The following CABYR variants were observed in gnomAD, a reference collection of about 807,000 sequenced individuals.
CABYR encodes calcium-binding tyrosine phosphorylation-regulated protein.
A neutral mutation model predicts 36.1 loss-of-function variants in CABYR; 31 were observed. The observed-to-expected ratio is 0.86, with a 90% CI of 0.64 to 1.16. The LOEUF (loss-of-function observed/expected upper bound fraction) is 1.16. Among genes scored for constraint, CABYR ranks in the 50% most tolerant of loss-of-function variants. The probability of loss-of-function intolerance (pLI) is 0.00; values close to 1 mark genes in which losing one functional copy is unlikely to be tolerated. For synonymous variants in CABYR, 146 were observed against 160.7 expected (o/e 0.91, Z 0.69); for missense variants, 429 against 455.8 (o/e 0.94, Z 0.53).
chr18:24,156,010 C>G lies in CABYR; in HGVS notation c.509C>G (p.Ala170Gly). Residue 170 changes from alanine (A) to glycine (G), a missense_variant, in exon 4 of 6, where the codon GCT (alanine) becomes GGT (glycine). By Grantham distance (60) the Ala-to-Gly change is moderately conservative. Transcript: ENST00000399496. The part of the protein sequence containing the change: ...AVSPEFAYVP[A>G]DPAQLAAQML... The stretch of plus-strand genomic sequence containing the variant: ...TCACCAGAGTTTGCCTACGTCCCAG[C>G]TGACCCAGCTCAGCTTGCTGCTCAG... 1 of 1,614,238 alleles carries G rather than the reference C, an allele frequency of 6.2e-7. No individual in the cohort carries two copies. Among genetic ancestry groups the G allele is most frequent in the Non-Finnish European group, 8.5e-7 (1 of 1,180,042 alleles).
At chr18:24,158,506 T>C (rs944485043) in intron 4 of CABYR, among the ~76,000 whole-genome samples, 3 of 151,878 alleles carry the variant, frequency 2.0e-5, no homozygotes, top group African/African-American at 7.3e-5. Flanking sequence ...TTAGTAGAGA[T>C]GGAGTTTCTC....
chr18:24,149,479 G>T (rs2085554435), intron 3 of CABYR, among the ~76,000 whole-genome samples: 1 of 152,234 alleles, frequency 6.6e-6, no homozygotes. Context: ...CAGGAGTCCA[G>T]CTGGCTTCAC....
chr18:24,143,322 A>ATGTATCTGTATTTGATTTCC, intron 2 of CABYR, 38 bp from the exon 3 acceptor site: 1 of 1,595,858 alleles, frequency 6.3e-7, no homozygotes, highest in South Asian at 1.1e-5. Flanking sequence ...TAGGAATTTC[A>ATGTATCTGTATTTGATTTCC]TGTATCTGTA....
At chr18:24,139,662 C>A (rs1020435978) in intron 1 of CABYR, 3 of 152,232 alleles carry the variant, frequency 2.0e-5, no homozygotes, top group African/African-American at 7.2e-5. Context: ...ATTAAGCTGT[C>A]GCTTTTAAAT....
At chr18:24,153,364 C>T (rs1158523197) in intron 3 of CABYR, among the ~76,000 whole-genome samples, 2 of 152,164 alleles carry the variant, frequency 1.3e-5, no homozygotes, top group African/African-American at 4.8e-5. Flanking sequence ...TAGGAGCGCT[C>T]TCTCTGGCCT....
chr18:24,143,275 A>T lies in CABYR; in HGVS notation c.145+16A>T. The T allele has an allele frequency of 1.2e-6, 2 of 1,603,658 alleles. No homozygotes were observed. The highest frequency in any genetic ancestry group is 1.7e-6 in the Non-Finnish European group (2 of 1,176,538). Reference sequence around the variant, plus strand: ...ATGTATAGAGGTTTGTTATTCCTTTATATATTTGCTGCTTTGAAAAAGAAA... The same window carrying T: ...ATGTATAGAGGTTTGTTATTCCTTTTTATATTTGCTGCTTTGAAAAAGAAA... On this transcript the variant is annotated intron_variant, in intron 2 of 5. Transcript: ENST00000399496.
intron 1 of CABYR, 26 bp from the exon 2 acceptor site, chr18:24,143,061 ATTAC>A: frequency 2.1e-6 from 3 of 1,454,000 alleles, no homozygotes; most frequent in Non-Finnish European, 2.8e-6. Context: ...AGTAAAACTA[ATTAC>A]TTCTAAGACT....
chr18:24,148,955 C>T (rs529300925), intron 3 of CABYR, among the ~76,000 whole-genome samples: 5 of 152,238 alleles, frequency 3.3e-5, no homozygotes, highest in South Asian at 2.1e-4. Flanking sequence ...ACTGCTGGCT[C>T]GAACAGCCTG....
chr18:24,153,846 T>A (rs2145875802), intron 3 of CABYR, among the ~76,000 whole-genome samples: 1 of 152,210 alleles, frequency 6.6e-6, no homozygotes, highest in South Asian at 2.1e-4. Flanking sequence ...GCTCAACCCC[T>A]GTAATCCCAG....
intron 5 of CABYR, among the ~76,000 whole-genome samples, chr18:24,160,563 T>C (rs2085937040): frequency 6.6e-6 from 1 of 152,210 alleles, no homozygotes. Flanking sequence ...CAGCTGAGAT[T>C]AACTGTGGAT....
rs1305173918 is a variant in CABYR, at chr18:24,160,003, AC to A, written c.1074del (p.Tyr358Ter). ...SGDKCAPFGS[Y>X]GIAGEVTVTT... ...GACAAATGTGCTCCCTTTGGAAGTTACGGTATTGCTGGGGAGGTAACCGTGA... is the reference window on the plus strand; with the variant it reads ...GACAAATGTGCTCCCTTTGGAAGTTAGGTATTGCTGGGGAGGTAACCGTGA... On this transcript the variant is annotated frameshift_variant, in exon 5 of 6. Coordinates refer to ENST00000399496, the MANE Select transcript of CABYR (RefSeq NM_153769.3). LOFTEE classifies it high-confidence loss of function. 1 of 1,614,200 alleles carries A rather than the reference AC, an allele frequency of 6.2e-7. No homozygotes were observed. Among genetic ancestry groups the A allele is most frequent in the East Asian group, 2.2e-5 (1 of 44,892 alleles).
At chr18:24,150,783 G>GT (rs10715707) in intron 3 of CABYR, among the ~76,000 whole-genome samples, 327 of 113,562 alleles carry the variant, frequency 2.9e-3, no homozygotes, top group Non-Finnish European at 3.9e-3. Context: ...TTTGTTTTTT[G>GT]TTTTTTTTTT....
intron 1 of CABYR, among the ~76,000 whole-genome samples, chr18:24,142,660 C>T: frequency 6.7e-6 from 1 of 149,132 alleles, no homozygotes; most frequent in Non-Finnish European, 1.5e-5. Flanking sequence ...TTTTTTTAAA[C>T]TACCATCAAG....
chr18:24,144,788 C>T (rs1026466409), intron 3 of CABYR, among the ~76,000 whole-genome samples: 1 of 152,150 alleles, frequency 6.6e-6, no homozygotes, highest in Non-Finnish European at 1.5e-5. Flanking sequence ...CACTAATTAA[C>T]CAAAAGACTT....
intron 5 of CABYR, chr18:24,160,723 TG>T (rs1185187753): frequency 6.5e-6 from 1 of 152,736 alleles, no homozygotes; most frequent in Non-Finnish European, 1.5e-5. Flanking sequence ...GACAAAAAAG[TG>T]TATTACAACA....
At chr18:24,153,083 G>C (rs1465829239) in intron 3 of CABYR, among the ~76,000 whole-genome samples, 1 of 152,176 alleles carries the variant, frequency 6.6e-6, no homozygotes, top group Non-Finnish European at 1.5e-5. Context: ...TTCTCTGCCA[G>C]CATGCCCCAC....
intron 5 of CABYR, among the ~76,000 whole-genome samples, chr18:24,160,584 G>C (rs1287964188): frequency 6.6e-6 from 1 of 152,206 alleles, no homozygotes; most frequent in African/African-American, 2.4e-5. Flanking sequence ...GAGACAGTTT[G>C]ATCACTCACA....
intron 4 of CABYR, among the ~76,000 whole-genome samples, chr18:24,157,349 T>G (rs1392534474): frequency 6.6e-6 from 1 of 152,244 alleles, no homozygotes; most frequent in African/African-American, 2.4e-5. Flanking sequence ...TTAGAGGGTG[T>G]TGGTTTGAAA....
chr18:24,161,152 A>ATTAG (rs1200719491), intron 5 of CABYR, among the ~76,000 whole-genome samples: 1 of 150,258 alleles, frequency 6.7e-6, no homozygotes, highest in Non-Finnish European at 1.5e-5. Context: ...TTATACACCA[A>ATTAG]TTAGTTACTT....
Sources: allele counts gnomAD v4.1 joint callset (sites outside exome capture counted in the v4.1 genomes callset), GRCh38; gene constraint gnomAD v4.1.1; transcripts MANE v1.5; gene names NCBI Gene and HGNC (gene_info 2026-07-23, HGNC 2026-07-21).